Variants in CSF1R observed in about 807,000 individuals in gnomAD.
The protein encoded by CSF1R is colony stimulating factor 1 receptor, also known as macrophage colony-stimulating factor 1 receptor.
A neutral mutation model predicts 110.0 loss-of-function variants in CSF1R; 40 were observed. The ratio of observed to expected loss-of-function variants is 0.36; its 90% CI spans 0.28 to 0.47. The LOEUF (loss-of-function observed/expected upper bound fraction) is 0.47, where lower values mean the gene tolerates loss of function less well. Ranked by LOEUF, CSF1R falls within the 20% of genes least tolerant of loss-of-function variation. The pLI is 0.99. For synonymous variants in CSF1R, 523 were observed against 503.4 expected, an observed-to-expected ratio of 1.04 and a Z score of -0.52; for missense variants, 1,052 against 1,253.0, an observed-to-expected ratio of 0.84 and a Z score of 2.42.
chr5:150,097,661 TG>T (rs1256235946), intron 1 of CSF1R, among the ~76,000 whole-genome samples: 1 of 152,122 alleles, frequency 6.6e-6, no homozygotes, highest in African/African-American at 2.4e-5. Context: ...ACAATAGCAC[TG>T]AAAAAAACAT....
At chr5:150,072,163 A>C (rs1248743630) in intron 6 of CSF1R, among the ~76,000 whole-genome samples, 1 of 152,172 alleles carries the variant, frequency 6.6e-6, no homozygotes, top group Non-Finnish European at 1.5e-5. Flanking sequence ...CGCTGCCCTT[A>C]AGCTGTACTG....
intron 1 of CSF1R, among the ~76,000 whole-genome samples, chr5:150,085,966 C>T (rs541148260): frequency 6.6e-6 from 1 of 152,132 alleles, no homozygotes; most frequent in Admixed American, 6.5e-5. Flanking sequence ...CACCTGAGAC[C>T]GACTGAGTCT....
Position 150,078,232 on chromosome 5 carries a change from T to TG in CSF1R, c.608dup (p.Ala204SerfsTer27). ...GCTCTGCAGGCACCAGTGTCAAGGCTGGGGGCCCTGGGATGACTGAGACCG... is the reference window on the plus strand; with the variant it reads ...GCTCTGCAGGCACCAGTGTCAAGGCTGGGGGGCCCTGGGATGACTGAGACCG... On this transcript the variant is annotated frameshift_variant, in exon 4 of 21. Coordinates refer to ENST00000675795, the MANE Select transcript of CSF1R (RefSeq NM_001288705.3). LOFTEE classifies it high-confidence loss of function. The TG allele has an allele frequency of 6.2e-7, 1 of 1,614,060 alleles. No individual in the cohort carries two copies. The highest frequency in any genetic ancestry group is 8.5e-7 in the Non-Finnish European group (1 of 1,179,992).
At chr5:150,086,737 G>C (rs1758864554), upstream of CSF1R, 3 of 371,350 alleles carry the variant, frequency 8.1e-6, no homozygotes, top group Non-Finnish European at 1.5e-5. Flanking sequence ...AGCTAAGTTT[G>C]GGGCCCTTCT....
At chr5:150,094,509 C>T in intron 1 of CSF1R, 1 of 1,599,776 alleles carries the variant, frequency 6.3e-7, no homozygotes, top group Non-Finnish European at 8.5e-7. Flanking sequence ...GACTGAAATT[C>T]GAATGGCGAG....
intron 12 of CSF1R, among the ~76,000 whole-genome samples, 169 bp from the exon 13 acceptor site, chr5:150,061,141 A>T (rs570286577): frequency 4.0e-4 from 61 of 152,188 alleles, no homozygotes; most frequent in Non-Finnish European, 7.1e-4. Flanking sequence ...AGACACACAG[A>T]TGGCAGAGAG....
At chr5:150,064,681 T>C (rs1757682836) in intron 10 of CSF1R, among the ~76,000 whole-genome samples, 1 of 152,170 alleles carries the variant, frequency 6.6e-6, no homozygotes, top group African/African-American at 2.4e-5. Flanking sequence ...CCTCTGTCCC[T>C]CTGCAGCTGG....
chr5:150,064,255 C>T (rs1289336649), intron 10 of CSF1R, among the ~76,000 whole-genome samples: 2 of 152,136 alleles, frequency 1.3e-5, no homozygotes, highest in African/African-American at 4.8e-5. Context: ...ACGAAACATA[C>T]GCATGCAACA....
intron 1 of CSF1R, among the ~76,000 whole-genome samples, chr5:150,104,013 G>A (rs1188673821): frequency 6.6e-6 from 1 of 152,016 alleles, no homozygotes; most frequent in Non-Finnish European, 1.5e-5. Context: ...TCCCAGGCCT[G>A]CTGACTTAGG....
intron 1 of CSF1R, among the ~76,000 whole-genome samples, chr5:150,099,968 T>G (rs1038699310): frequency 6.6e-6 from 1 of 152,230 alleles, no homozygotes; most frequent in African/African-American, 2.4e-5. Context: ...AGTCTTTCTA[T>G]AATAGATATC....
chr5:150,070,299 G>A lies in CSF1R; in HGVS notation c.1202C>T (p.Pro401Leu), dbSNP rs1554102860. 5 of 1,613,840 alleles carry A rather than the reference G, an allele frequency of 3.1e-6. No individual in the cohort carries two copies. The highest frequency in any genetic ancestry group is 3.3e-4 in the Middle Eastern group (2 of 6,060). Reference protein sequence around the residue: ...ALTFELTLRYPPEVSVIWTFI... With the variant: ...ALTFELTLRYLPEVSVIWTFI... ...TGTCCATATGACGCTTACCTCTGGG[G>A]GGTCTGAGGAAGAAAGGAGGAGGCC... The change falls in exon 8 of 21, where the codon CCC becomes CTC. Residue 401 changes from proline to leucine, a missense_variant. This residue lies in a region of CSF1R where 693 missense variants were observed against 735.4 expected (regional missense o/e 0.94). Transcript: ENST00000675795.
rs1757416951 is a variant in CSF1R, at chr5:150,059,739, T to G, written c.2093A>C (p.Asp698Ala). 1.2e-6 allele frequency: 2 copies of G among 1,614,060 alleles called. No homozygotes were observed. The highest frequency in any genetic ancestry group is 2.7e-5 in the African/African-American group (2 of 74,938). ...CTTCTCGAGGTGGATGTTCTTATAGTCGACGCCTCCCTCGGGGTCCTGGCC... is the reference window on the plus strand; with the variant it reads ...CTTCTCGAGGTGGATGTTCTTATAGGCGACGCCTCCCTCGGGGTCCTGGCC... Reference protein sequence around the residue: ...SPGQDPEGGVDYKNIHLEKKY... With the variant: ...SPGQDPEGGVAYKNIHLEKKY... The change falls in exon 14 of 21, where the codon GAC (aspartate) becomes GCC (alanine). Residue 698 changes from aspartate to alanine, a missense_variant. Transcript: ENST00000675795.
At chr5:150,064,056 A>T (rs1269218765) in intron 10 of CSF1R, among the ~76,000 whole-genome samples, 1 of 152,182 alleles carries the variant, frequency 6.6e-6, no homozygotes, top group Admixed American at 6.5e-5. Flanking sequence ...CCGAAACAGA[A>T]AACCTACATA....
At chr5:150,088,336 G>A (rs1758925596), upstream of CSF1R, among the ~76,000 whole-genome samples, 1 of 152,118 alleles carries the variant, frequency 6.6e-6, no homozygotes, top group Non-Finnish European at 1.5e-5. Context: ...GGCTTCACTG[G>A]TGAATTCTCC....
intron 1 of CSF1R, among the ~76,000 whole-genome samples, chr5:150,100,225 G>A (rs1759359339): frequency 6.7e-6 from 1 of 148,850 alleles, no homozygotes; most frequent in Admixed American, 6.8e-5. Context: ...CTTGACAGAT[G>A]ATAGAACCAG....
intron 1 of CSF1R, chr5:150,094,260 C>A (rs914436956): frequency 1.5e-5 from 19 of 1,274,488 alleles, no homozygotes; most frequent in Non-Finnish European, 2.1e-5. Flanking sequence ...GGTGTATATG[C>A]ACTTTAGAAC....
rs749367958 is a variant in CSF1R at position 150,057,592 on chromosome 5, C to T, written c.2133G>A (p.Arg711=). The T allele has an allele frequency of 1.9e-6, 3 of 1,613,410 alleles. No individual in the cohort carries two copies. ...CACCCTGGCTGGAGAAGCCACTGTC[C>T]CTACATAGGAGAGAGGGTTGGGGGG... ...NIHLEKKYVR[R]DSGFSSQGVD... Residue 711 remains arginine (R), a splice_region_variant and synonymous_variant, in exon 15 of 21, where the codon AGG becomes AGA. Transcript: ENST00000675795.
intron 5 of CSF1R, 186 bp downstream of exon 5, chr5:150,077,090 G>C (rs1167705411): frequency 2.8e-6 from 2 of 715,040 alleles, no homozygotes; most frequent in South Asian, 3.3e-5. Flanking sequence ...ATGGGAGAGA[G>C]ATCCCAGGAG....
Position 150,061,459 on chromosome 5 carries a change from CATCCCTTCCCTCA to C in CSF1R, c.1858+19_1858+31del. 1 of 966,818 alleles carries C rather than the reference CATCCCTTCCCTCA, an allele frequency of 1.0e-6. No individual in the cohort carries two copies. The highest frequency in any genetic ancestry group is 1.6e-6 in the Non-Finnish European group (1 of 635,682). The allele number at this position is 966,818 out of a possible 1,614,324, so 59.9% of individuals were successfully genotyped here. On this transcript the variant is annotated intron_variant, in intron 12 of 20. Coordinates refer to ENST00000675795, the MANE Select transcript of CSF1R (RefSeq NM_001288705.3). ...CCCACCCCCAGCATCTACCACCCCC[CATCCCTTCCCTCA>C]TCCCCTCCCCTCACTCACACTTCAG...
Sources: allele counts gnomAD v4.1 joint callset (sites outside exome capture counted in the v4.1 genomes callset), GRCh38; gene constraint gnomAD v4.1.1; regional missense constraint gnomAD v4.1.1; transcripts MANE v1.5; gene names NCBI Gene and HGNC (gene_info 2026-07-23, HGNC 2026-07-21).